MCC: variants seen among roughly 807,000 people sequenced by gnomAD.
MCC encodes colorectal mutant cancer protein.
Under a neutral mutation model 116.2 loss-of-function variants are expected in MCC, and 90 were observed. The observed-to-expected ratio is 0.77, with a 90% CI of 0.65 to 0.92. The LOEUF (loss-of-function observed/expected upper bound fraction) is 0.92, where lower values mean the gene tolerates loss of function less well. MCC is among the 40% of genes least tolerant of loss of function. The pLI is 0.00. For synonymous variants in MCC, 578 were observed against 510.5 expected (o/e 1.13, Z -1.78); for missense variants, 1,516 against 1,312.2 (o/e 1.16, Z -2.40).
intron 1 of MCC, among the ~76,000 whole-genome samples, chr5:113,439,809 G>A (rs1482652112): frequency 6.6e-6 from 1 of 152,170 alleles, no homozygotes; most frequent in African/African-American, 2.4e-5. Context: ...TTAGCAAAAG[G>A]CTAGCACACA....
At position 113,471,420 on chromosome 5, in the gene MCC, G is replaced by T. The variant is rs113963144; in HGVS notation, c.170+16825C>A. On this transcript the variant is annotated intron_variant, in intron 1 of 18. Coordinates refer to ENST00000408903, the MANE Select transcript of MCC (RefSeq NM_001085377.2). ...GACCCTCAACTGCAGGTCTGTTGGAGTTTTCTAGAGGTCCACTCCAGACCC... is the reference window on the plus strand; with the variant it reads ...GACCCTCAACTGCAGGTCTGTTGGATTTTTCTAGAGGTCCACTCCAGACCC... 2.0e-3 allele frequency among the ~76,000 whole-genome samples: 299 copies of T among 152,290 alleles called. 5 individuals are homozygous for T. The highest frequency in any genetic ancestry group is 6.9e-3 in the African/African-American group (286 of 41,562).
chr5:113,417,801 C>A (rs1407085576), intron 1 of MCC, among the ~76,000 whole-genome samples: 1 of 151,992 alleles, frequency 6.6e-6, no homozygotes, highest in African/African-American at 2.4e-5. Context: ...TAGTGGTACA[C>A]GCCTGTAGTC....
At chr5:113,055,853 G>A (rs368012822) in intron 14 of MCC, among the ~76,000 whole-genome samples, 2 of 152,152 alleles carry the variant, frequency 1.3e-5, no homozygotes, top group African/African-American at 2.4e-5. Context: ...AGTGAACCTC[G>A]TCTAATCAGA....
intron 1 of MCC, among the ~76,000 whole-genome samples, chr5:113,385,852 A>T (rs1022350053): frequency 6.6e-6 from 1 of 152,218 alleles, no homozygotes; most frequent in Non-Finnish European, 1.5e-5. Flanking sequence ...TTCCAGGACT[A>T]GATTTAATGT....
At position 113,043,482 on chromosome 5, in the gene MCC, C is replaced by T. The variant is rs571311484; in HGVS notation, c.2756+48G>A. On this transcript the variant is annotated intron_variant, in intron 17 of 18. Transcript: ENST00000408903. Reference sequence around the variant, plus strand: ...CAGCAAAGAGAACTCAGAACAAAGTCTCCATGCCCAGGATAAACACCAGCT... The same window carrying T: ...CAGCAAAGAGAACTCAGAACAAAGTTTCCATGCCCAGGATAAACACCAGCT... The T allele has an allele frequency of 3.2e-5, 49 of 1,511,562 alleles. No homozygotes were observed. The East Asian group carries it at 1.1e-3, about 33-fold the overall frequency. 93.6% of individuals were successfully genotyped at this position (1,511,562 alleles called of 1,614,324 possible).
At chr5:113,264,638 A>C (rs1027157531) in intron 3 of MCC, among the ~76,000 whole-genome samples, 1 of 152,208 alleles carries the variant, frequency 6.6e-6, no homozygotes, top group South Asian at 2.1e-4. Flanking sequence ...GTTTTTGTAG[A>C]GCCTACAAGG....
intron 3 of MCC, among the ~76,000 whole-genome samples, chr5:113,157,449 A>C (rs1254996725): frequency 6.6e-6 from 1 of 152,210 alleles, no homozygotes; most frequent in Non-Finnish European, 1.5e-5. Context: ...GCCCAAAGGC[A>C]CCTGCAGCCA....
At chr5:113,373,860 T>C (rs1170665713) in intron 2 of MCC, among the ~76,000 whole-genome samples, 1 of 152,214 alleles carries the variant, frequency 6.6e-6, no homozygotes, top group Non-Finnish European at 1.5e-5. Flanking sequence ...ACTGCAGGAT[T>C]GCTTCCCTAT....
At chr5:113,368,556 A>G (rs1269854518) in intron 2 of MCC, among the ~76,000 whole-genome samples, 1 of 151,174 alleles carries the variant, frequency 6.6e-6, no homozygotes, top group Non-Finnish European at 1.5e-5. Context: ...AGATATTCTA[A>G]TCTTTATTTC....
At chr5:113,262,463 TCTCA>T (rs1199616288) in intron 3 of MCC, among the ~76,000 whole-genome samples, 5 of 152,254 alleles carry the variant, frequency 3.3e-5, no homozygotes, top group East Asian at 1.9e-4. Context: ...GCCTTTGTCT[TCTCA>T]CTGTCTACCA....
At chr5:113,308,338 C>T (rs1219501218) in intron 3 of MCC, among the ~76,000 whole-genome samples, 1 of 152,078 alleles carries the variant, frequency 6.6e-6, no homozygotes, top group Non-Finnish European at 1.5e-5. Context: ...GTATGATGCT[C>T]AGTTCAATTA....
intron 3 of MCC, among the ~76,000 whole-genome samples, chr5:113,197,673 C>T (rs1369075865): frequency 6.6e-6 from 1 of 152,218 alleles, no homozygotes; most frequent in East Asian, 1.9e-4. Flanking sequence ...TGTAGGGGGC[C>T]CTATGTATTA....
At chr5:113,280,575 C>T (rs1266968610) in intron 3 of MCC, among the ~76,000 whole-genome samples, 1 of 151,978 alleles carries the variant, frequency 6.6e-6, no homozygotes, top group African/African-American at 2.4e-5. Context: ...TGGCACTCAC[C>T]AGGAGTTGAG....
intron 1 of MCC, among the ~76,000 whole-genome samples, chr5:113,449,480 G>A (rs1259715195): frequency 6.6e-6 from 1 of 152,234 alleles, no homozygotes; most frequent in Non-Finnish European, 1.5e-5. Context: ...ATTACCCCAA[G>A]AGTGTACTCT....
At chr5:113,467,567 C>T (rs13356904) in intron 1 of MCC, among the ~76,000 whole-genome samples, 15,751 of 151,878 alleles carry the variant, frequency 0.1, 1,350 homozygotes, top group African/African-American at 0.23. Context: ...ACCAGTACCA[C>T]GCTGTTTTGG....
chr5:113,276,071 G>A (rs1765814238), intron 3 of MCC, among the ~76,000 whole-genome samples: 1 of 149,520 alleles, frequency 6.7e-6, no homozygotes, highest in African/African-American at 2.5e-5. Context: ...CAAGGCCACA[G>A]TGGCCACATT....
intron 3 of MCC, among the ~76,000 whole-genome samples, chr5:113,169,213 G>A (rs1264091039): frequency 1.3e-5 from 2 of 152,078 alleles, no homozygotes; most frequent in Non-Finnish European, 2.9e-5. Flanking sequence ...AAAGAGTAGG[G>A]GGAAGAGGGA....
chr5:113,294,242 A>C (rs1378965909), intron 3 of MCC: 1 of 1,550,414 alleles, frequency 6.4e-7, no homozygotes, highest in East Asian at 2.3e-5. Flanking sequence ...GATAGGGTGT[A>C]GGGCTGTGGG....
At chr5:113,325,964 G>A (rs1256672800) in intron 3 of MCC, among the ~76,000 whole-genome samples, 1 of 152,184 alleles carries the variant, frequency 6.6e-6, no homozygotes, top group Non-Finnish European at 1.5e-5. Flanking sequence ...AAAGTAATCT[G>A]AGATGCCAGT....
Sources: allele counts gnomAD v4.1 joint callset (sites outside exome capture counted in the v4.1 genomes callset), GRCh38; gene constraint gnomAD v4.1.1; transcripts MANE v1.5; gene names NCBI Gene and HGNC (gene_info 2026-07-23, HGNC 2026-07-21).